The following MICALL2 variants were observed in gnomAD, a reference collection of about 807,000 sequenced individuals.
MICALL2 encodes the protein MICAL-like protein 2.
A neutral mutation model predicts 91.1 loss-of-function variants in MICALL2; 111 were observed. The ratio of observed to expected loss-of-function variants is 1.22; its 90% CI spans 1.04 to 1.43. MICALL2 has a LOEUF of 1.43. MICALL2 is among the 40% of genes most tolerant of loss of function. The pLI, the probability that MICALL2 is intolerant of heterozygous loss-of-function variation, is 0.00. For synonymous variants in MICALL2, 694 were observed against 525.3 expected, an observed-to-expected ratio of 1.32 and a Z score of -4.39; for missense variants, 1,556 against 1,236.0, an observed-to-expected ratio of 1.26 and a Z score of -3.88.
rs767807053 is a variant in MICALL2, at chr7:1,448,611, G to C, written c.334+9C>G. Reference sequence around the variant, plus strand: ...CCTGCCTGGCTCGGCGGGCGCGGCAGGGACTCACTGGGGGAGCGGCCGTGG... The same window carrying C: ...CCTGCCTGGCTCGGCGGGCGCGGCACGGACTCACTGGGGGAGCGGCCGTGG... On this transcript the variant is annotated intron_variant, in intron 3 of 16. Coordinates refer to ENST00000297508, the MANE Select transcript of MICALL2 (RefSeq NM_182924.4). 7 of 1,612,368 alleles carry C rather than the reference G, an allele frequency of 4.3e-6. No individual in the cohort carries two copies. Among genetic ancestry groups the C allele is most frequent in the Non-Finnish European group, 5.9e-6 (7 of 1,179,818 alleles).
At chr7:1,437,068 C>T (rs1780004406) in intron 14 of MICALL2, 1 of 495,352 alleles carries the variant, frequency 2.0e-6, no homozygotes, top group African/African-American at 2.0e-5. Flanking sequence ...TCCCCATCAT[C>T]TCGCAGAAAC....
rs766521907 is a variant in MICALL2, at chr7:1,444,980, C to T, written c.1090G>A (p.Val364Met). The change falls in exon 6 of 17, where the codon GTG (valine) becomes ATG (methionine). Residue 364 changes from valine (V) to methionine (M), a missense_variant. By Grantham distance (21) the Val-to-Met change is conservative. Coordinates refer to ENST00000297508, the MANE Select transcript of MICALL2 (RefSeq NM_182924.4). ...CTAAAASHPA[V>M]PPSAPDPRPA... ...CGAGGGTCTGGGGCACTCGGGGGCA[C>T]GGCGGGATGGGAGGCAGCCGCTGCT... 28 of 1,505,948 alleles carry T rather than the reference C, an allele frequency of 1.9e-5. No homozygotes were observed. The highest frequency in any genetic ancestry group is 2.6e-5 in the South Asian group (2 of 77,330). The allele number at this position is 1,505,948 out of a possible 1,614,324, so 93.3% of individuals were successfully genotyped here.
At chr7:1,455,232 G>A (rs1326872438) in intron 1 of MICALL2, among the ~76,000 whole-genome samples, 1 of 152,224 alleles carries the variant, frequency 6.6e-6, no homozygotes, top group Non-Finnish European at 1.5e-5. Context: ...AAAGGAGCCA[G>A]CCCATGGCAG....
intron 9 of MICALL2, chr7:1,439,594 T>C (rs979972426): frequency 1.9e-5 from 5 of 260,896 alleles, no homozygotes; most frequent in East Asian, 6.6e-5. Flanking sequence ...TACACATGAA[T>C]ACACATGCAT....
rs1562459077 is a variant in MICALL2 at position 1,444,930 on chromosome 7, TC to T, written c.1139del (p.Gly380GlufsTer117). 2 of 1,526,408 alleles carry T rather than the reference TC, an allele frequency of 1.3e-6. No individual in the cohort carries two copies. The highest frequency in any genetic ancestry group is 1.4e-5 in the African/African-American group (1 of 73,164). 94.6% of individuals were successfully genotyped at this position (1,526,408 alleles called of 1,614,324 possible). On this transcript the variant is annotated frameshift_variant, in exon 6 of 17. Coordinates refer to ENST00000297508, the MANE Select transcript of MICALL2 (RefSeq NM_182924.4). LOFTEE classifies it high-confidence loss of function. ...DPRPATPQGG[G>X]APRVAAPQTT... ...TTTGAGGAGCTGCCACTCGGGGGGC[TC>T]CCCCACCCTGGGGTGTGGCCGGGCG...
intron 1 of MICALL2, among the ~76,000 whole-genome samples, chr7:1,453,500 C>T (rs1780910138): frequency 6.6e-6 from 1 of 152,130 alleles, no homozygotes; most frequent in Non-Finnish European, 1.5e-5. Context: ...CGGGAGGACA[C>T]TTTCCGTTGT....
rs1157083298 is a variant in MICALL2, at chr7:1,459,295, C to A, written c.32G>T (p.Cys11Phe). The A allele has an allele frequency of 3.1e-6, 5 of 1,597,756 alleles. No homozygotes were observed. Among genetic ancestry groups the A allele is most frequent in the Admixed American group, 1.7e-5 (1 of 58,414 alleles). Reference protein sequence around the residue: MAAIRALQQWCRQQCEGYRDV... With the variant: MAAIRALQQWFRQQCEGYRDV... Reference sequence around the variant, plus strand: ...GCGGTAGCCCTCGCACTGCTGCCGGCACCACTGTTGCAGCGCCCTGATGGC... The same window carrying A: ...GCGGTAGCCCTCGCACTGCTGCCGGAACCACTGTTGCAGCGCCCTGATGGC... The change falls in exon 1 of 17, where the codon TGC becomes TTC. Residue 11 changes from cysteine (C) to phenylalanine (F), a missense_variant. Coordinates refer to ENST00000297508, the MANE Select transcript of MICALL2 (RefSeq NM_182924.4).
intron 6 of MICALL2, among the ~76,000 whole-genome samples, chr7:1,444,005 C>T (rs923803948): frequency 1.3e-5 from 2 of 151,910 alleles, no homozygotes; most frequent in African/African-American, 2.4e-5. Flanking sequence ...GCCCAGCCAG[C>T]GTGGGTCCCG....
chr7:1,445,504 G>T, intron 5 of MICALL2, 76 bp from the exon 6 acceptor site: 1 of 1,362,966 alleles, frequency 7.3e-7, no homozygotes, highest in Non-Finnish European at 9.7e-7. Context: ...GCTCCTGATA[G>T]CAGGCATTGC....
intron 14 of MICALL2, 26 bp from the exon 15 acceptor site, chr7:1,436,882 G>GCCC (rs762083026): frequency 6.2e-5 from 92 of 1,494,982 alleles, no homozygotes; most frequent in Admixed American, 6.0e-5. Flanking sequence ...GTCAGCAGGA[G>GCCC]CCCCCCCCAC....
At chr7:1,435,680 A>G (rs1245208101) in intron 15 of MICALL2, among the ~76,000 whole-genome samples, 1 of 152,262 alleles carries the variant, frequency 6.6e-6, no homozygotes, top group Non-Finnish European at 1.5e-5. Flanking sequence ...TCATGAGACG[A>G]GACAGGAAAG....
chr7:1,457,786 A>C (rs1305092740), intron 1 of MICALL2, among the ~76,000 whole-genome samples: 1 of 152,150 alleles, frequency 6.6e-6, no homozygotes, highest in African/African-American at 2.4e-5. Context: ...CCCACCCCAG[A>C]GGCTTTTCGG....
rs898136090 is a variant in MICALL2 at position 1,437,548 on chromosome 7, G to A, written c.2463C>T (p.Leu821=). The A allele has an allele frequency of 1.3e-6, 2 of 1,529,126 alleles. No individual in the cohort carries two copies. Among genetic ancestry groups the A allele is most frequent in the Non-Finnish European group, 1.7e-6 (2 of 1,144,040 alleles). The allele number at this position is 1,529,126 out of a possible 1,614,324, so 94.7% of individuals were successfully genotyped here. Residue 821 remains leucine (L), a synonymous_variant, in exon 14 of 17, where the codon CTC becomes CTT. Coordinates refer to ENST00000297508, the MANE Select transcript of MICALL2 (RefSeq NM_182924.4). ...CGGGGGACGCACCGGGCTTGGCCAT[G>A]AGCCGGCGCAGCTCGCCCTCGATGT... ...QLDIEGELRR[L]MAKPEALKSL... is the part of the protein sequence containing the mutation.
rs1780871147 is a variant in MICALL2 at position 1,452,504 on chromosome 7, G to A, written c.144-2216C>T. On this transcript the variant is annotated intron_variant, in intron 1 of 16. Coordinates refer to ENST00000297508, the MANE Select transcript of MICALL2 (RefSeq NM_182924.4). The surrounding 1 kb of genome is among the most constrained non-coding windows in gnomAD (Gnocchi z 6.2). ...TAGGGTCACTGACCAAAGCGGCCAT[G>A]TCCCCGGAAAGAATGCCCGGACGGC... 6.6e-6 allele frequency among the ~76,000 whole-genome samples: 1 copy of A among 152,168 alleles called. No individual in the cohort carries two copies. Among genetic ancestry groups the A allele is most frequent in the Non-Finnish European group, 1.5e-5 (1 of 68,020 alleles).
At position 1,447,567 on chromosome 7, in the gene MICALL2, G is replaced by A. The variant is rs1384488080; in HGVS notation, c.525+8C>T. On this transcript the variant is annotated splice_region_variant and intron_variant, in intron 4 of 16. Transcript: ENST00000297508. ...GAGAACCAGGGGGAGGGTGGGGTGG[G>A]AGCTTACAGTCTTGGGGGGCGGGCC... 3 of 1,140,978 alleles carry A rather than the reference G, an allele frequency of 2.6e-6. No homozygotes were observed. The highest frequency in any genetic ancestry group is 4.8e-5 in the Admixed American group (2 of 42,002). 70.7% of individuals were successfully genotyped at this position (1,140,978 alleles called of 1,614,324 possible).
chr7:1,459,163 A>G, intron 1 of MICALL2, 21 bp downstream of exon 1: 1 of 1,597,540 alleles, frequency 6.3e-7, no homozygotes. Flanking sequence ...GAAGAATCAA[A>G]GGGCGCCAGG....
In MICALL2 at chr7:1,446,701, G is replaced by A. The variant is rs1178176137; in HGVS notation, c.641+12C>T. On this transcript the variant is annotated intron_variant, in intron 5 of 16. Transcript: ENST00000297508. The stretch of plus-strand genomic sequence containing the variant: ...GTGCACACTCAGGCGTGCGGGCAGA[G>A]GGCAGCCCCACCTGAAGCAGCTCCG... 2 of 1,568,496 alleles carry A rather than the reference G, an allele frequency of 1.3e-6. No homozygotes were observed. The highest frequency in any genetic ancestry group is 1.7e-6 in the Non-Finnish European group (2 of 1,154,376).
chr7:1,449,223 T>C (rs991245893), intron 2 of MICALL2, among the ~76,000 whole-genome samples: 1 of 152,228 alleles, frequency 6.6e-6, no homozygotes, highest in Non-Finnish European at 1.5e-5. Context: ...GCCCACGCCG[T>C]CCAGCCCAGC....
chr7:1,437,785 G>C, intron 13 of MICALL2, 105 bp downstream of exon 13: 1 of 1,267,892 alleles, frequency 7.9e-7, no homozygotes. Flanking sequence ...CTGCCGCACA[G>C]ACATGCATCT....
Sources: gnomAD v4.1 joint callset for allele counts (sites outside exome capture counted in the v4.1 genomes callset) on GRCh38, gnomAD v4.1.1 for gene constraint, Gnocchi (gnomAD v3.1) non-coding constraint, MANE v1.5 for transcripts, NCBI Gene and HGNC (gene_info 2026-07-23, HGNC 2026-07-21) for gene names.